POU2F1: variants seen among roughly 807,000 people sequenced by gnomAD.
The protein encoded by POU2F1 is POU domain, class 2, transcription factor 1.
In POU2F1, 16 loss-of-function variants were observed where a neutral mutation model predicts 84.9. That is an observed-to-expected ratio of 0.19 (90% CI 0.13 to 0.29). The LOEUF is 0.29. POU2F1 is among the 10% of genes least tolerant of loss of function. The pLI, the probability that POU2F1 is intolerant of heterozygous loss-of-function variation, is 1.00. For synonymous variants in POU2F1, 368 were observed against 368.3 expected (o/e 1.00, Z 0.01); for missense variants, 738 against 942.6 (o/e 0.78, Z 2.84).
At chr1:167,304,350 A>G (rs1253267140) in intron 1 of POU2F1, among the ~76,000 whole-genome samples, 1 of 152,230 alleles carries the variant, frequency 6.6e-6, no homozygotes, top group Non-Finnish European at 1.5e-5. Context: ...ATTACTGTCC[A>G]TTTTACAGAT....
In POU2F1 at chr1:167,426,757, A is replaced by C. The variant is rs1188823982; in HGVS notation, c.*10947A>C. ...TTTGAGTTCTTCTTTGTGGAAACTT[A>C]AGATGTGGTGTAAATGATTCTTTCC... On this transcript the variant is annotated 3_prime_UTR_variant, in exon 16 of 16. Transcript: ENST00000367866. The C allele has an allele frequency of 1.3e-5, 2 of 152,186 alleles. No individual in the cohort carries two copies. Among genetic ancestry groups the C allele is most frequent in the Non-Finnish European group, 2.9e-5 (2 of 68,028 alleles). The allele number at this position is 152,186 out of a possible 1,614,324, so 9.4% of individuals were successfully genotyped here.
intron 1 of POU2F1, among the ~76,000 whole-genome samples, chr1:167,247,929 A>G (rs1650455355): frequency 6.6e-6 from 1 of 152,250 alleles, no homozygotes; most frequent in Admixed American, 6.5e-5. Flanking sequence ...AACAATGGAC[A>G]CTAGTCAGAT....
At position 167,420,548 on chromosome 1, in the gene POU2F1, C is replaced by G. The variant is rs1331869916; in HGVS notation, c.*4738C>G. The G allele has an allele frequency of 6.6e-6, 1 of 152,214 alleles. No homozygotes were observed. Among genetic ancestry groups the G allele is most frequent in the Non-Finnish European group, 1.5e-5 (1 of 68,050 alleles). The allele number at this position is 152,214 out of a possible 1,614,324, so 9.4% of individuals were successfully genotyped here. A position where few individuals can be genotyped will look rare whatever the true frequency, so the allele number is the denominator to read the frequency against. On this transcript the variant is annotated 3_prime_UTR_variant, in exon 16 of 16. Transcript: ENST00000367866. ...CGCTTGGCTTATAGAACTCTCTGTT[C>G]TTAGTCTAAAGCTGTTCCCAAACCA... is the stretch of plus-strand genomic sequence containing the variant.
intron 1 of POU2F1, among the ~76,000 whole-genome samples, chr1:167,233,913 A>G (rs545124137): frequency 6.6e-6 from 1 of 152,222 alleles, no homozygotes; most frequent in African/African-American, 2.4e-5. Context: ...TCTTTGTGCC[A>G]GTTGTTGTAC....
intron 1 of POU2F1, among the ~76,000 whole-genome samples, chr1:167,324,715 C>G (rs894796037): frequency 6.6e-6 from 1 of 152,210 alleles, no homozygotes; most frequent in African/African-American, 2.4e-5. Context: ...GGGTCATTAA[C>G]TAGGCCTCAG....
chr1:167,376,238 G>A, intron 7 of POU2F1, 83 bp downstream of exon 7: 1 of 1,404,240 alleles, frequency 7.1e-7, no homozygotes. Context: ...TATCATTTTG[G>A]CCCTGAAACT....
At chr1:167,325,761 C>T (rs1290557738) in intron 1 of POU2F1, among the ~76,000 whole-genome samples, 8 of 151,642 alleles carry the variant, frequency 5.3e-5, no homozygotes, top group African/African-American at 9.7e-5. Context: ...TGGTGGCAGG[C>T]GCCTGTAATC....
chr1:167,327,011 A>G (rs149034307), intron 1 of POU2F1, among the ~76,000 whole-genome samples: 239 of 152,362 alleles, frequency 1.6e-3, no homozygotes, highest in Middle Eastern at 3.4e-3. Context: ...TAATCTAGTC[A>G]CATTCATCAT....
chr1:167,286,062 T>A (rs1653506863), intron 1 of POU2F1, among the ~76,000 whole-genome samples: 1 of 152,156 alleles, frequency 6.6e-6, no homozygotes, highest in Non-Finnish European at 1.5e-5. Context: ...GGCCAAATAA[T>A]AGAGATCCTG....
intron 3 of POU2F1, among the ~76,000 whole-genome samples, chr1:167,369,276 T>C (rs1404456691): frequency 6.6e-6 from 1 of 152,196 alleles, no homozygotes; most frequent in Non-Finnish European, 1.5e-5. Context: ...TCTCAGTGCA[T>C]CTTAGCAGAA....
intron 1 of POU2F1, among the ~76,000 whole-genome samples, chr1:167,324,318 G>A (rs1656539062): frequency 7.2e-6 from 1 of 138,698 alleles, no homozygotes; most frequent in South Asian, 2.1e-4. Context: ...TTTATACCTG[G>A]AAAGAAGCAT....
Position 167,399,213 on chromosome 1 carries a change from A to G in POU2F1, c.1297A>G (p.Thr433Ala). The G allele has an allele frequency of 6.2e-7, 1 of 1,613,122 alleles. No individual in the cohort carries two copies. Among genetic ancestry groups the G allele is most frequent in the South Asian group, 1.1e-5 (1 of 90,892 alleles). ...TCAAAAGCCTACCTCGGAAGAGATC[A>G]CTATGATTGCTGATCAGCTCAATAT... ...ENQKPTSEEI[T>A]MIADQLNMEK... Residue 433 changes from threonine to alanine, a missense_variant, in exon 12 of 16, where the codon ACT (threonine) becomes GCT (alanine). Physicochemically the swap from Thr to Ala is moderately conservative, Grantham distance 58. Coordinates refer to ENST00000367866, the MANE Select transcript of POU2F1 (RefSeq NM_002697.4).
chr1:167,227,006 C>G (rs1056177731), intron 1 of POU2F1, among the ~76,000 whole-genome samples: 2 of 151,982 alleles, frequency 1.3e-5, no homozygotes, highest in Admixed American at 1.3e-4. Flanking sequence ...CTAGGCTAGT[C>G]TAAAACTCCT....
rs139326151 is a variant in POU2F1, at chr1:167,365,727, ATGG to A, written c.228+162_228+164del. Among the ~76,000 whole-genome samples, 1,352 of 152,332 alleles carry A rather than the reference ATGG, an allele frequency of 8.9e-3. 19 individuals are homozygous for A. The highest frequency in any genetic ancestry group is 0.031 in the African/African-American group (1,269 of 41,564). On this transcript the variant is annotated intron_variant, in intron 3 of 15. Transcript: ENST00000367866. ...TTCTATTTGGTTAGTATGAAATCCT[ATGG>A]TTTAGTTGAGTGTATAGTCATTGAC...
At chr1:167,225,906 G>C in intron 1 of POU2F1, among the ~76,000 whole-genome samples, 1 of 152,090 alleles carries the variant, frequency 6.6e-6, no homozygotes, top group East Asian at 1.9e-4. Flanking sequence ...AAATAATGTT[G>C]TGTGACTCAT....
At chr1:167,350,484 G>T (rs1306479123) in intron 2 of POU2F1, among the ~76,000 whole-genome samples, 1 of 152,060 alleles carries the variant, frequency 6.6e-6, no homozygotes, top group Admixed American at 6.6e-5. Context: ...TTTAGCTAAA[G>T]AACATGGGGA....
chr1:167,228,395 A>G (rs1451958365), intron 1 of POU2F1, among the ~76,000 whole-genome samples: 1 of 152,260 alleles, frequency 6.6e-6, no homozygotes, highest in Non-Finnish European at 1.5e-5. Flanking sequence ...AGATACAAAC[A>G]TAATTTAAAA....
At chr1:167,275,907 T>C (rs965931741) in intron 1 of POU2F1, among the ~76,000 whole-genome samples, 1 of 152,148 alleles carries the variant, frequency 6.6e-6, no homozygotes, top group Non-Finnish European at 1.5e-5. Context: ...AAAAAGTACT[T>C]TAGATGAGTC....
At chr1:167,290,939 G>T (rs1033864898) in intron 1 of POU2F1, among the ~76,000 whole-genome samples, 5 of 151,956 alleles carry the variant, frequency 3.3e-5, no homozygotes, top group Non-Finnish European at 5.9e-5. Flanking sequence ...CCAGCTACTG[G>T]GGAGGCTAAG....
Sources: gnomAD v4.1 joint callset for allele counts (sites outside exome capture counted in the v4.1 genomes callset) on GRCh38, gnomAD v4.1.1 for gene constraint, MANE v1.5 for transcripts, NCBI Gene and HGNC (gene_info 2026-07-23, HGNC 2026-07-21) for gene names.